The following SPOCK1 variants were observed in gnomAD, a reference collection of about 807,000 sequenced individuals.
SPOCK1 encodes the protein testican-1.
SPOCK1 carries 23 observed loss-of-function variants against 55.3 expected under a neutral mutation model. That is an observed-to-expected ratio of 0.42 (90% CI 0.30 to 0.59). The LOEUF (loss-of-function observed/expected upper bound fraction) is 0.59, where lower values mean the gene tolerates loss of function less well. SPOCK1 is among the 20% of genes least tolerant of loss of function. The pLI is 0.22. For synonymous variants in SPOCK1, 226 were observed against 221.0 expected (o/e 1.02, Z -0.20); for missense variants, 499 against 552.5 (o/e 0.90, Z 0.97).
chr5:137,381,550 C>T (rs1235737129), intron 2 of SPOCK1, among the ~76,000 whole-genome samples: 1 of 152,236 alleles, frequency 6.6e-6, no homozygotes, highest in Non-Finnish European at 1.5e-5. Flanking sequence ...CAACTCTTGT[C>T]TTCTGCACAC....
At chr5:137,196,762 T>C (rs1181570529) in intron 3 of SPOCK1, among the ~76,000 whole-genome samples, 2 of 152,244 alleles carry the variant, frequency 1.3e-5, no homozygotes, top group Admixed American at 1.3e-4. Context: ...TGTTTCCCAC[T>C]GAACTATAAG....
chr5:136,999,761 C>G (rs1216227461), intron 6 of SPOCK1, among the ~76,000 whole-genome samples: 2 of 152,118 alleles, frequency 1.3e-5, no homozygotes, highest in Non-Finnish European at 2.9e-5. Flanking sequence ...TAAGAAGTGG[C>G]GAGCAAGTGT....
chr5:137,099,650 A>G (rs560850099), intron 5 of SPOCK1, among the ~76,000 whole-genome samples: 1 of 147,788 alleles, frequency 6.8e-6, no homozygotes, highest in East Asian at 2.2e-4. Context: ...ATGTGTGTGT[A>G]TGTGTATGTA....
At chr5:137,155,092 G>C (rs1754390171) in intron 3 of SPOCK1, among the ~76,000 whole-genome samples, 1 of 152,164 alleles carries the variant, frequency 6.6e-6, no homozygotes, top group Non-Finnish European at 1.5e-5. Context: ...TGTGTCAAAT[G>C]CTTAACATTG....
At chr5:137,435,795 T>C (rs535421262) in intron 2 of SPOCK1, among the ~76,000 whole-genome samples, 42 of 136,656 alleles carry the variant, frequency 3.1e-4, no homozygotes, top group African/African-American at 1.1e-3. Context: ...CATGTGTTTT[T>C]CTTAGATTTT....
At chr5:137,160,535 TATATAA>T (rs1754510660) in intron 3 of SPOCK1, among the ~76,000 whole-genome samples, 5 of 54,276 alleles carry the variant, frequency 9.2e-5, no homozygotes, top group African/African-American at 3.3e-4. Context: ...TATATAAAAA[TATATAA>T]TATATATAAT....
At chr5:137,391,132 A>G (rs191159138) in intron 2 of SPOCK1, among the ~76,000 whole-genome samples, 1 of 152,042 alleles carries the variant, frequency 6.6e-6, no homozygotes, top group Admixed American at 6.5e-5. Flanking sequence ...ATTCCCACTT[A>G]TGAGCGAGAA....
chr5:136,998,831 A>C (rs1048006846), intron 6 of SPOCK1, among the ~76,000 whole-genome samples: 12 of 152,256 alleles, frequency 7.9e-5, no homozygotes, highest in Non-Finnish European at 2.9e-5. Flanking sequence ...ACATTACTCC[A>C]AAATGTGGAA....
At chr5:137,401,306 T>TAGC (rs2127184067) in intron 2 of SPOCK1, among the ~76,000 whole-genome samples, 1 of 152,314 alleles carries the variant, frequency 6.6e-6, no homozygotes, top group Admixed American at 6.5e-5. Context: ...AGCAAAATGA[T>TAGC]AGCTAATAAA....
chr5:137,013,355 T>TA (rs2126975818), intron 6 of SPOCK1, among the ~76,000 whole-genome samples: 1 of 152,324 alleles, frequency 6.6e-6, no homozygotes, highest in African/African-American at 2.4e-5. Context: ...AGTTTGTGGA[T>TA]ATTTCCTGAA....
At chr5:137,315,481 G>C (rs1561502224) in intron 2 of SPOCK1, among the ~76,000 whole-genome samples, 1 of 152,202 alleles carries the variant, frequency 6.6e-6, no homozygotes, top group African/African-American at 2.4e-5. Flanking sequence ...TGATACATGA[G>C]AAGCAGTAGC....
chr5:137,196,438 T>A (rs529257806), intron 3 of SPOCK1, among the ~76,000 whole-genome samples: 1 of 152,332 alleles, frequency 6.6e-6, no homozygotes, highest in East Asian at 1.9e-4. Context: ...CTTCAGCTGG[T>A]CCCTCTGTGG....
intron 2 of SPOCK1, among the ~76,000 whole-genome samples, chr5:137,375,223 C>T (rs533214239): frequency 6.6e-6 from 1 of 152,206 alleles, no homozygotes; most frequent in East Asian, 1.9e-4. Context: ...TAGTAATAAA[C>T]TCACAAAAAG....
intron 2 of SPOCK1, among the ~76,000 whole-genome samples, chr5:137,363,078 T>C (rs1218486025): frequency 6.6e-6 from 1 of 152,200 alleles, no homozygotes; most frequent in Non-Finnish European, 1.5e-5. Context: ...CATGAACACG[T>C]ACGGAGCACA....
chr5:137,058,174 A>G (rs75923596), intron 6 of SPOCK1, among the ~76,000 whole-genome samples: 7,013 of 152,196 alleles, frequency 0.046, 398 homozygotes, highest in African/African-American at 0.13. Context: ...TTCTTTTTTC[A>G]AAGGAAGCCC....
At chr5:137,261,479 G>A (rs1756741587) in intron 3 of SPOCK1, among the ~76,000 whole-genome samples, 1 of 152,152 alleles carries the variant, frequency 6.6e-6, no homozygotes, top group Admixed American at 6.5e-5. Context: ...AGTTTGTCAG[G>A]ATCTTGGTAT....
intron 6 of SPOCK1, among the ~76,000 whole-genome samples, chr5:137,029,511 A>T (rs1308222372): frequency 2.0e-5 from 3 of 152,240 alleles, no homozygotes; most frequent in Non-Finnish European, 4.4e-5. Flanking sequence ...GACCTAGAGA[A>T]GTTAAGTAAG....
At chr5:137,295,166 C>T (rs1042260220) in intron 2 of SPOCK1, among the ~76,000 whole-genome samples, 8 of 152,242 alleles carry the variant, frequency 5.3e-5, no homozygotes, top group African/African-American at 1.7e-4. Context: ...AGATATACAA[C>T]CAAAGTTCAC....
chr5:137,055,279 A>G (rs867105767), intron 6 of SPOCK1, among the ~76,000 whole-genome samples: 3 of 152,196 alleles, frequency 2.0e-5, no homozygotes, highest in African/African-American at 7.2e-5. Flanking sequence ...GCACTTAATA[A>G]ATGCCAGCTG....
Sources: gnomAD v4.1 joint callset for allele counts (sites outside exome capture counted in the v4.1 genomes callset) on GRCh38, gnomAD v4.1.1 for gene constraint, MANE v1.5 for transcripts, NCBI Gene and HGNC (gene_info 2026-07-23, HGNC 2026-07-21) for gene names.